Variants in RPSA2 observed in about 807,000 individuals in gnomAD.
The protein encoded by RPSA2 is ribosomal protein SA 2.
the RPSA2 span, chr19:23,758,715 C>T: frequency 1.2e-6 from 2 of 1,614,200 alleles, no homozygotes; most frequent in Non-Finnish European, 1.7e-6. Flanking sequence ...GCCCCTTCCC[C>T]TCTCTCGGGA....
chr19:23,831,966 C>T, the RPSA2 span: 1 of 377,050 alleles, frequency 2.7e-6, no homozygotes, highest in Non-Finnish European at 5.4e-6. Flanking sequence ...GAGAGAAGTC[C>T]TACAAATGTA....
At chr19:23,771,866 G>T in the RPSA2 span, among the ~76,000 whole-genome samples, 2 of 152,002 alleles carry the variant, frequency 1.3e-5, no homozygotes, top group African/African-American at 2.4e-5. Context: ...CTCCTGTATG[G>T]GCCCTGCCCA....
the RPSA2 span, among the ~76,000 whole-genome samples, chr19:23,815,868 CATT>C: frequency 1.3e-5 from 2 of 152,036 alleles, no homozygotes; most frequent in Non-Finnish European, 1.5e-5. Flanking sequence ...TGGATATAAT[CATT>C]ATAGATTTGT....
At chr19:23,811,198 G>A in the RPSA2 span, among the ~76,000 whole-genome samples, 1 of 151,970 alleles carries the variant, frequency 6.6e-6, no homozygotes, top group Non-Finnish European at 1.5e-5. Flanking sequence ...TGTGTTTTTA[G>A]TAGAGATTGG....
At chr19:23,811,471 G>T in the RPSA2 span, among the ~76,000 whole-genome samples, 1 of 152,034 alleles carries the variant, frequency 6.6e-6, no homozygotes, top group African/African-American at 2.4e-5. Flanking sequence ...CATCAGGAAT[G>T]ACTGACAAAT....
At chr19:23,861,330 G>A in the RPSA2 span, among the ~76,000 whole-genome samples, 1 of 152,146 alleles carries the variant, frequency 6.6e-6, no homozygotes, top group South Asian at 2.1e-4. Flanking sequence ...TCCTTGAACA[G>A]GGTTCAGCAC....
At chr19:23,868,163 G>A in the RPSA2 span, among the ~76,000 whole-genome samples, 1 of 152,162 alleles carries the variant, frequency 6.6e-6, no homozygotes, top group South Asian at 2.1e-4. Context: ...GCCATCCCCA[G>A]CAGCCATTCC....
At chr19:23,850,032 C>T in the RPSA2 span, among the ~76,000 whole-genome samples, 1 of 152,078 alleles carries the variant, frequency 6.6e-6, no homozygotes, top group Non-Finnish European at 1.5e-5. Context: ...TAGATGGATA[C>T]AACCAGGTGC....
At chr19:23,814,358 C>CT in the RPSA2 span, among the ~76,000 whole-genome samples, 25 of 151,866 alleles carry the variant, frequency 1.6e-4, no homozygotes, top group Non-Finnish European at 2.8e-4. Flanking sequence ...TTAAAATTAT[C>CT]TTTTTTCTAT....
the RPSA2 span, among the ~76,000 whole-genome samples, chr19:23,869,351 T>C: frequency 6.6e-6 from 1 of 152,202 alleles, no homozygotes; most frequent in Non-Finnish European, 1.5e-5. Context: ...GGAAAAGTTA[T>C]GTACTTAATA....
the RPSA2 span, among the ~76,000 whole-genome samples, chr19:23,856,827 T>A: frequency 6.6e-6 from 1 of 151,456 alleles, no homozygotes; most frequent in Admixed American, 6.6e-5. Context: ...GGGGAGGGGG[T>A]GTAAGAACAG....
chr19:23,866,513 G>GCCCCC, the RPSA2 span, among the ~76,000 whole-genome samples: 121 of 142,386 alleles, frequency 8.5e-4, no homozygotes, highest in Non-Finnish European at 1.2e-3. Flanking sequence ...ACAATGTGGT[G>GCCCCC]CCCCCCCCCG....
At chr19:23,824,580 C>CTTTTTTTTTTTTTTTTTTTTTTTTTT in the RPSA2 span, among the ~76,000 whole-genome samples, 1 of 63,822 alleles carries the variant, frequency 1.6e-5, no homozygotes, top group African/African-American at 6.1e-5. Context: ...TATAGCATTT[C>CTTTTTTTTTTTTTTTTTTTTTTTTTT]TTTTTTTTTT....
At chr19:23,832,605 A>G in the RPSA2 span, 3 of 1,318,936 alleles carry the variant, frequency 2.3e-6, no homozygotes, top group Non-Finnish European at 2.0e-6. Flanking sequence ...CTTACTACAC[A>G]TAAGGTAATT....
the RPSA2 span, among the ~76,000 whole-genome samples, chr19:23,848,833 T>C: frequency 1.3e-5 from 2 of 152,222 alleles, no homozygotes; most frequent in African/African-American, 2.4e-5. Context: ...TTGCCAATCA[T>C]TGACAAAATG....
the RPSA2 span, among the ~76,000 whole-genome samples, chr19:23,786,347 C>T: frequency 6.6e-6 from 1 of 152,156 alleles, no homozygotes; most frequent in African/African-American, 2.4e-5. Context: ...TGCCTATGTT[C>T]AGCACCTGAG....
At chr19:23,838,195 G>A in the RPSA2 span, among the ~76,000 whole-genome samples, 1 of 152,248 alleles carries the variant, frequency 6.6e-6, no homozygotes, top group South Asian at 2.1e-4. Flanking sequence ...CATCTATTGA[G>A]ATGATCATGT....
the RPSA2 span, among the ~76,000 whole-genome samples, chr19:23,784,302 G>T: frequency 6.6e-6 from 1 of 152,228 alleles, no homozygotes; most frequent in Non-Finnish European, 1.5e-5. Context: ...TTTGTCCTAT[G>T]CACAGCCCAC....
At chr19:23,838,733 G>A in the RPSA2 span, among the ~76,000 whole-genome samples, 2 of 141,160 alleles carry the variant, frequency 1.4e-5, no homozygotes, top group African/African-American at 2.7e-5. Context: ...GTGTATGTGT[G>A]TAAAGGTGTT....
Sources: allele counts gnomAD v4.1 joint callset (sites outside exome capture counted in the v4.1 genomes callset), GRCh38; gene constraint gnomAD v4.1.1; transcripts MANE v1.5; gene names NCBI Gene and HGNC (gene_info 2026-07-23, HGNC 2026-07-21).